The following RFT1 variants were observed in gnomAD, a reference collection of about 807,000 sequenced individuals.
The protein encoded by RFT1 is RFT1 glycolipid translocator homolog.
In RFT1, 43 loss-of-function variants were observed where a neutral mutation model predicts 62.2. That is an observed-to-expected ratio of 0.69 (90% CI 0.54 to 0.89). The LOEUF (loss-of-function observed/expected upper bound fraction) is 0.89, where lower values mean the gene tolerates loss of function less well. Ranked by LOEUF, RFT1 falls within the 40% of genes least tolerant of loss-of-function variation. The pLI is 0.00. For missense variants in RFT1, 605 were observed against 649.9 expected, an observed-to-expected ratio of 0.93 and a Z score of 0.75; for synonymous variants, 262 against 264.6, an observed-to-expected ratio of 0.99 and a Z score of 0.10.
chr3:53,081,433 G>GA, the RFT1 span, among the ~76,000 whole-genome samples: 1 of 152,300 alleles, frequency 6.6e-6, no homozygotes, highest in Middle Eastern at 3.4e-3. Context: ...ATTGGAAGAG[G>GA]AAAGAAGGGT....
intron 2 of RFT1, among the ~76,000 whole-genome samples, chr3:53,125,411 G>C (rs544268880): frequency 2.6e-4 from 39 of 152,312 alleles, no homozygotes; most frequent in South Asian, 8.3e-4. Flanking sequence ...CTTTCCAAGA[G>C]CCTCCAAGAA....
At chr3:53,108,214 CTT>C (rs1019738383) in intron 7 of RFT1, among the ~76,000 whole-genome samples, 1 of 142,154 alleles carries the variant, frequency 7.0e-6, no homozygotes, top group Non-Finnish European at 1.5e-5. Context: ...AAGCCCAGCA[CTT>C]TTTTTTTTTT....
At chr3:53,084,242 A>C (rs1700812439), downstream of RFT1, among the ~76,000 whole-genome samples, 1 of 152,224 alleles carries the variant, frequency 6.6e-6, no homozygotes, top group African/African-American at 2.4e-5. Flanking sequence ...TCCTGGGAAC[A>C]GTGGTGGACA....
At position 53,123,840 on chromosome 3, in the gene RFT1, T is replaced by C. The variant is rs1189717518; in HGVS notation, c.150A>G (p.Arg50=). The part of the protein sequence containing the change: ...SKEIVGVVNV[R]LTLLYSTTLF... ...GGGTGGTTGAGTAAAGCAGCGTTAG[T>C]CTGTAAATGAAAGGGAGAAATCAAT... is the stretch of plus-strand genomic sequence containing the variant. Residue 50 remains arginine (R), a splice_region_variant and synonymous_variant, in exon 3 of 13, where the codon AGA becomes AGG. Coordinates refer to ENST00000296292, the MANE Select transcript of RFT1 (RefSeq NM_052859.4). The C allele has an allele frequency of 6.2e-7, 1 of 1,611,904 alleles. No homozygotes were observed. The highest frequency in any genetic ancestry group is 2.2e-5 in the East Asian group (1 of 44,862).
chr3:53,105,348 A>G (rs1701432874), intron 9 of RFT1, among the ~76,000 whole-genome samples: 1 of 151,178 alleles, frequency 6.6e-6, no homozygotes, highest in African/African-American at 2.5e-5. Flanking sequence ...TGGGAGGTGG[A>G]GGTTGCAGTG....
intron 11 of RFT1, among the ~76,000 whole-genome samples, chr3:53,093,989 G>C (rs1273129758): frequency 6.6e-6 from 1 of 152,114 alleles, no homozygotes; most frequent in Non-Finnish European, 1.5e-5. Context: ...ACTCCAGCCT[G>C]GGCAACCGAG....
At chr3:53,114,915 A>G (rs563997355) in intron 6 of RFT1, among the ~76,000 whole-genome samples, 1 of 152,276 alleles carries the variant, frequency 6.6e-6, no homozygotes, top group East Asian at 1.9e-4. Flanking sequence ...CACAATGACA[A>G]GAGTCACTGG....
At chr3:53,071,783 C>T in the RFT1 span, among the ~76,000 whole-genome samples, 1 of 152,188 alleles carries the variant, frequency 6.6e-6, no homozygotes, top group Non-Finnish European at 1.5e-5. Context: ...TGGGGCTGCC[C>T]AGGCTGAGAA....
chr3:53,103,701 G>C (rs1701379975), intron 10 of RFT1: 1 of 500,510 alleles, frequency 2.0e-6, no homozygotes. Flanking sequence ...AAAGCCAACA[G>C]CAAGGAGAAG....
rs751367426 is a variant in RFT1 at position 53,099,530 on chromosome 3, G to A, written c.1103-44C>T. On this transcript the variant is annotated intron_variant, in intron 10 of 12. Transcript: ENST00000296292. ...CTGAGACTCCAGAGCCCAATCAGAA[G>A]GCCCACATGTACCCTCAGTGCTGCT... 6 of 1,469,890 alleles carry A rather than the reference G, an allele frequency of 4.1e-6. No homozygotes were observed. The East Asian group carries it at 1.1e-4, about 28-fold the overall frequency. The allele number at this position is 1,469,890 out of a possible 1,614,324, so 91.1% of individuals were successfully genotyped here.
intron 10 of RFT1, among the ~76,000 whole-genome samples, chr3:53,102,517 TGA>T (rs1369829904): frequency 1.3e-5 from 2 of 151,940 alleles, no homozygotes; most frequent in African/African-American, 4.8e-5. Flanking sequence ...TGTTGTTCTG[TGA>T]GTTACCAAGA....
At position 53,105,801 on chromosome 3, in the gene RFT1, C is replaced by T; in HGVS notation, c.829G>A (p.Val277Met). ...CCAAGATTATTCACTATATCATACA[C>T]ACCTACAAAACAAAAAAGAAGAAAC... Reference protein sequence around the residue: ...LNVLNFGDQGVYDIVNNLGSL... With the variant: ...LNVLNFGDQGMYDIVNNLGSL... Residue 277 changes from valine (V) to methionine (M), a missense_variant and splice_region_variant, in exon 9 of 13, where the codon GTG (valine) becomes ATG (methionine). By Grantham distance (21) the Val-to-Met change is conservative. Coordinates refer to ENST00000296292, the MANE Select transcript of RFT1 (RefSeq NM_052859.4). 1 of 1,612,820 alleles carries T rather than the reference C, an allele frequency of 6.2e-7. No homozygotes were observed. Among genetic ancestry groups the T allele is most frequent in the South Asian group, 1.1e-5 (1 of 90,830 alleles).
At chr3:53,084,675 C>G (rs1700821977), downstream of RFT1, among the ~76,000 whole-genome samples, 2 of 152,200 alleles carry the variant, frequency 1.3e-5, no homozygotes, top group South Asian at 4.1e-4. Flanking sequence ...AAGGAAGGAC[C>G]AGGAGTTGCC....
chr3:53,099,262 T>C (rs1701241137), intron 11 of RFT1, 119 bp downstream of exon 11: 1 of 785,458 alleles, frequency 1.3e-6, no homozygotes, highest in Non-Finnish European at 2.2e-6. Flanking sequence ...GTGGACTAAG[T>C]GTTGCCTCTA....
chr3:53,123,881 T>C, intron 2 of RFT1, 41 bp from the exon 3 acceptor site: 1 of 1,506,170 alleles, frequency 6.6e-7, no homozygotes, highest in Non-Finnish European at 9.2e-7. Context: ...CTCAAGTTTT[T>C]TCATAGAGAG....
chr3:53,122,591 T>C (rs1389208756), intron 3 of RFT1, 28 bp from the exon 4 acceptor site: 9 of 1,415,800 alleles, frequency 6.4e-6, no homozygotes, highest in African/African-American at 1.4e-5. Context: ...AATAATTCAC[T>C]AAATTTTAAA....
chr3:53,122,171 G>A (rs1701986997), intron 4 of RFT1, among the ~76,000 whole-genome samples: 1 of 152,074 alleles, frequency 6.6e-6, no homozygotes, highest in Non-Finnish European at 1.5e-5. Context: ...TTTTATTTAT[G>A]GTGAAACAGA....
the RFT1 span, among the ~76,000 whole-genome samples, chr3:53,069,249 T>C: frequency 6.6e-6 from 1 of 152,184 alleles, no homozygotes; most frequent in African/African-American, 2.4e-5. Flanking sequence ...CTGTGTTAGG[T>C]GACTTTGACC....
At chr3:53,126,305 G>A (rs1174471731) in intron 1 of RFT1, among the ~76,000 whole-genome samples, 1 of 152,204 alleles carries the variant, frequency 6.6e-6, no homozygotes, top group Non-Finnish European at 1.5e-5. Flanking sequence ...AGCCCTTGAG[G>A]AAGCAGAAAG....
Sources: allele counts gnomAD v4.1 joint callset (sites outside exome capture counted in the v4.1 genomes callset), GRCh38; gene constraint gnomAD v4.1.1; transcripts MANE v1.5; gene names NCBI Gene and HGNC (gene_info 2026-07-23, HGNC 2026-07-21).